The following GNG7 variants were observed in gnomAD, a reference collection of about 807,000 sequenced individuals.
The protein encoded by GNG7 is guanine nucleotide-binding protein G(I)/G(S)/G(O) subunit gamma-7.
Under a neutral mutation model 4.0 loss-of-function variants are expected in GNG7, and 1 was observed. That is an observed-to-expected ratio of 0.25 (90% confidence interval 0.09 to 1.18). The LOEUF (loss-of-function observed/expected upper bound fraction) is 1.18. GNG7 is among the 50% of genes most tolerant of loss of function. The pLI is 0.50. For missense variants in GNG7, 86 were observed against 91.9 expected (o/e 0.94, Z 0.26); for synonymous variants, 34 against 36.9 (o/e 0.92, Z 0.29).
At chr19:2,673,306 G>A (rs1231648727) in intron 1 of GNG7, among the ~76,000 whole-genome samples, 5 of 150,854 alleles carry the variant, frequency 3.3e-5, no homozygotes, top group African/African-American at 1.2e-4. Flanking sequence ...AACCCAGCAG[G>A]TCATCAAAAC....
chr19:2,701,945 C>A (rs1456688885), intron 1 of GNG7, among the ~76,000 whole-genome samples: 2 of 147,580 alleles, frequency 1.4e-5, no homozygotes, highest in African/African-American at 5.0e-5. Context: ...AATCCCACTC[C>A]AAGCCCCCTC....
intron 2 of GNG7, among the ~76,000 whole-genome samples, chr19:2,604,356 CAG>C (rs964205716): frequency 6.0e-5 from 9 of 151,168 alleles, no homozygotes; most frequent in Non-Finnish European, 1.0e-4. Context: ...CTTGTGGTCC[CAG>C]CTACTCTGGA....
chr19:2,615,392 A>G (rs542306760), intron 2 of GNG7, among the ~76,000 whole-genome samples: 11 of 146,960 alleles, frequency 7.5e-5, no homozygotes, highest in Non-Finnish European at 1.5e-4. Context: ...CTTCCTGGAC[A>G]CCACGTGGCA....
intron 3 of GNG7, among the ~76,000 whole-genome samples, chr19:2,554,785 C>A (rs978066957): frequency 1.3e-5 from 2 of 151,300 alleles, no homozygotes; most frequent in African/African-American, 2.4e-5. Flanking sequence ...AAACACCTGA[C>A]CTCAGGTGAC....
chr19:2,518,072 C>T (rs1461855718), intron 4 of GNG7, among the ~76,000 whole-genome samples: 1 of 152,212 alleles, frequency 6.6e-6, no homozygotes, highest in Non-Finnish European at 1.5e-5. Flanking sequence ...AAATAGCTGG[C>T]ATTGTGGCTC....
intron 3 of GNG7, among the ~76,000 whole-genome samples, chr19:2,540,412 A>G (rs1192208574): frequency 1.3e-5 from 2 of 152,154 alleles, no homozygotes; most frequent in African/African-American, 4.8e-5. Flanking sequence ...TCAGCCTCCC[A>G]AAGTGCTGGG....
chr19:2,532,885 G>A (rs1978638939), intron 3 of GNG7, among the ~76,000 whole-genome samples: 1 of 152,160 alleles, frequency 6.6e-6, no homozygotes, highest in Admixed American at 6.6e-5. Flanking sequence ...AAATGGCTTA[G>A]CAGTTTCTTA....
intron 2 of GNG7, among the ~76,000 whole-genome samples, chr19:2,598,409 G>C (rs1222626494): frequency 6.6e-6 from 1 of 151,812 alleles, no homozygotes; most frequent in Non-Finnish European, 1.5e-5. Flanking sequence ...TGTACTCCCA[G>C]CACTTTGGGA....
intron 2 of GNG7, among the ~76,000 whole-genome samples, chr19:2,602,909 C>CTTTCTTTTCTTTCTTTCTTTCTT (rs756699922): frequency 4.3e-5 from 6 of 140,100 alleles, no homozygotes; most frequent in African/African-American, 1.7e-4. Context: ...TTCTTTCTTT[C>CTTTCTTTTCTTTCTTTCTTTCTT]TTTCTTTCTT....
chr19:2,537,440 T>C (rs1978778766), intron 3 of GNG7, among the ~76,000 whole-genome samples: 1 of 151,682 alleles, frequency 6.6e-6, no homozygotes, highest in Admixed American at 6.6e-5. Context: ...AGATGAAGTC[T>C]CTACAGCTAT....
chr19:2,527,836 G>C (rs1199112317), intron 3 of GNG7, among the ~76,000 whole-genome samples: 1 of 151,694 alleles, frequency 6.6e-6, no homozygotes, highest in East Asian at 1.9e-4. Flanking sequence ...GACTTGGACA[G>C]GTGTCCCCTG....
At chr19:2,666,500 T>C (rs576608770) in intron 1 of GNG7, among the ~76,000 whole-genome samples, 14 of 151,984 alleles carry the variant, frequency 9.2e-5, no homozygotes, top group Non-Finnish European at 1.9e-4. Context: ...TTCATAGAGA[T>C]AGGATCTTGC....
intron 1 of GNG7, among the ~76,000 whole-genome samples, chr19:2,671,102 C>T (rs59737437): frequency 0.23 from 34,075 of 151,038 alleles, 4,922 homozygotes; most frequent in East Asian, 0.53. Flanking sequence ...AAGGATGGAT[C>T]GTTCTCTGTG....
chr19:2,696,316 A>AAG (rs1281996405), intron 1 of GNG7, among the ~76,000 whole-genome samples: 1 of 144,458 alleles, frequency 6.9e-6, no homozygotes, highest in Non-Finnish European at 1.5e-5. Flanking sequence ...GAAAGAAAGA[A>AAG]AGAAAGAAAG....
At chr19:2,610,936 C>G (rs1981539406) in intron 2 of GNG7, 1 of 130,910 alleles carries the variant, frequency 7.6e-6, no homozygotes, top group Admixed American at 9.4e-5. Flanking sequence ...TTGACACTTT[C>G]AGTTCCTATC....
At chr19:2,578,336 G>A (rs1980404488) in intron 2 of GNG7, among the ~76,000 whole-genome samples, 2 of 152,118 alleles carry the variant, frequency 1.3e-5, no homozygotes, top group Admixed American at 1.3e-4. Context: ...GCAGCCTAGT[G>A]CCAACTCCTG....
At chr19:2,589,139 G>A (rs1280150439) in intron 2 of GNG7, among the ~76,000 whole-genome samples, 1 of 151,616 alleles carries the variant, frequency 6.6e-6, no homozygotes, top group East Asian at 1.9e-4. Flanking sequence ...CCTTGGTCAG[G>A]CTGGTCTCGA....
At chr19:2,657,061 C>T (rs949653429) in intron 1 of GNG7, among the ~76,000 whole-genome samples, 4 of 151,660 alleles carry the variant, frequency 2.6e-5, no homozygotes, top group Non-Finnish European at 4.4e-5. Context: ...ATTACAGGCG[C>T]GGTGGCTCAT....
rs1334938366 is a variant in GNG7, at chr19:2,654,636, G to C, written c.-134-8356C>G. Among the ~76,000 whole-genome samples the C allele has an allele frequency of 8.1e-5, 10 of 123,098 alleles. No individual in the cohort carries two copies. In the East Asian group the frequency reaches 2.4e-3, roughly 29 times the overall value. The allele number at this position is 123,098 out of a possible 152,430, so 80.8% of individuals were successfully genotyped here. A position where few individuals can be genotyped will look rare whatever the true frequency, so the allele number is the denominator to read the frequency against. On this transcript the variant is annotated intron_variant, in intron 1 of 4. Coordinates refer to ENST00000382159, the MANE Select transcript of GNG7 (RefSeq NM_052847.3). ...CACATTGAAATCCACACCCTGAGTG[G>C]GGGGAGGGAGAGAGGAGGAGAATCC... is the stretch of plus-strand genomic sequence containing the variant.
Sources: gnomAD v4.1 joint callset for allele counts (sites outside exome capture counted in the v4.1 genomes callset) on GRCh38, gnomAD v4.1.1 for gene constraint, MANE v1.5 for transcripts, NCBI Gene and HGNC (gene_info 2026-07-23, HGNC 2026-07-21) for gene names.